Variants in HPSE2 observed in about 807,000 individuals in gnomAD.
HPSE2 encodes the protein inactive heparanase-2.
HPSE2 carries 38 observed loss-of-function variants against 60.5 expected under a neutral mutation model. The ratio of observed to expected loss-of-function variants is 0.63; its 90% CI spans 0.48 to 0.82. The LOEUF is 0.82. Ranked by LOEUF, HPSE2 falls within the 40% of genes least tolerant of loss-of-function variation. HPSE2 has a pLI of 0.00. For missense variants in HPSE2, 713 were observed against 740.4 expected, an observed-to-expected ratio of 0.96 and a Z score of 0.43; for synonymous variants, 295 against 293.2, an observed-to-expected ratio of 1.01 and a Z score of -0.06.
chr10:99,038,401 C>A (rs546697107), intron 3 of HPSE2, among the ~76,000 whole-genome samples: 123 of 152,186 alleles, frequency 8.1e-4, no homozygotes, highest in African/African-American at 2.9e-3. Context: ...TGCTGACAAA[C>A]AAAAGACAAT....
chr10:98,551,803 C>A (rs752035236), intron 9 of HPSE2, among the ~76,000 whole-genome samples: 4 of 152,092 alleles, frequency 2.6e-5, no homozygotes, highest in Non-Finnish European at 4.4e-5. Context: ...ACCAAAGTAT[C>A]CTAATTGATA....
intron 3 of HPSE2, among the ~76,000 whole-genome samples, chr10:98,794,373 A>G (rs769835667): frequency 1.3e-5 from 2 of 151,940 alleles, no homozygotes; most frequent in South Asian, 2.1e-4. Context: ...CCTCCTGAGT[A>G]GCTGGGATTA....
intron 3 of HPSE2, among the ~76,000 whole-genome samples, chr10:98,817,918 A>G (rs1348166536): frequency 6.6e-6 from 1 of 152,196 alleles, no homozygotes; most frequent in Non-Finnish European, 1.5e-5. Context: ...TCTAACTTTT[A>G]TCCATTAATA....
chr10:99,249,775 T>C, the HPSE2 span, among the ~76,000 whole-genome samples: 2 of 152,144 alleles, frequency 1.3e-5, no homozygotes, highest in Admixed American at 6.5e-5. Flanking sequence ...TGAGAGATGA[T>C]TGGATCATGG....
chr10:98,599,157 T>C (rs1247924941), intron 9 of HPSE2, among the ~76,000 whole-genome samples: 1 of 152,096 alleles, frequency 6.6e-6, no homozygotes, highest in Non-Finnish European at 1.5e-5. Flanking sequence ...GGGACTGGCT[T>C]GGCACTGGGC....
chr10:99,058,104 T>G (rs1296195542), intron 3 of HPSE2, among the ~76,000 whole-genome samples: 1 of 152,080 alleles, frequency 6.6e-6, no homozygotes, highest in African/African-American at 2.4e-5. Flanking sequence ...TGGAGAAGCA[T>G]GACAAATGGG....
At chr10:98,858,288 T>C (rs904789148) in intron 3 of HPSE2, among the ~76,000 whole-genome samples, 1 of 152,200 alleles carries the variant, frequency 6.6e-6, no homozygotes, top group East Asian at 1.9e-4. Flanking sequence ...TTGACCTTGA[T>C]AGTTTGAAAT....
At chr10:99,097,129 G>T (rs1251855192) in intron 3 of HPSE2, among the ~76,000 whole-genome samples, 2 of 152,120 alleles carry the variant, frequency 1.3e-5, no homozygotes, top group Non-Finnish European at 2.9e-5. Flanking sequence ...CCAGCACAAG[G>T]CCAGGGTCTA....
chr10:99,258,868 A>G, the HPSE2 span, among the ~76,000 whole-genome samples: 1 of 152,214 alleles, frequency 6.6e-6, no homozygotes, highest in Admixed American at 6.5e-5. Flanking sequence ...TTAACTCAGA[A>G]TGGGTCACAG....
At chr10:99,000,377 C>G (rs1375853780) in intron 3 of HPSE2, among the ~76,000 whole-genome samples, 1 of 151,980 alleles carries the variant, frequency 6.6e-6, no homozygotes, top group African/African-American at 2.4e-5. Flanking sequence ...CACAATTACC[C>G]AAGAGAAAGA....
At chr10:98,552,817 C>T (rs1943900631) in intron 9 of HPSE2, among the ~76,000 whole-genome samples, 1 of 152,096 alleles carries the variant, frequency 6.6e-6, no homozygotes, top group East Asian at 1.9e-4. Flanking sequence ...GATCTCTCTT[C>T]TTTGAACCTC....
intron 2 of HPSE2, among the ~76,000 whole-genome samples, chr10:99,178,195 C>T (rs1847609486): frequency 6.6e-6 from 1 of 151,428 alleles, no homozygotes; most frequent in African/African-American, 2.4e-5. Flanking sequence ...ACTGTAACAT[C>T]ACAATTAAAA....
At chr10:98,509,780 G>A (rs141058755) in intron 9 of HPSE2, among the ~76,000 whole-genome samples, 26 of 152,238 alleles carry the variant, frequency 1.7e-4, no homozygotes, top group Admixed American at 5.2e-4. Context: ...GATTATAGGC[G>A]TGAGCCACCG....
At chr10:99,069,403 A>C (rs1382587178) in intron 3 of HPSE2, among the ~76,000 whole-genome samples, 1 of 152,038 alleles carries the variant, frequency 6.6e-6, no homozygotes, top group Admixed American at 6.6e-5. Flanking sequence ...AAATCATGAG[A>C]GCTAGACCTC....
chr10:98,685,187 C>T (rs1171885419), intron 6 of HPSE2, among the ~76,000 whole-genome samples: 1 of 152,156 alleles, frequency 6.6e-6, no homozygotes, highest in East Asian at 1.9e-4. Flanking sequence ...AAATAAGTTG[C>T]TGACTTTGGT....
At chr10:99,196,104 G>T (rs1848388952) in intron 2 of HPSE2, among the ~76,000 whole-genome samples, 1 of 151,982 alleles carries the variant, frequency 6.6e-6, no homozygotes, top group Non-Finnish European at 1.5e-5. Context: ...CACACACTGG[G>T]GAAAGGACAG....
intron 9 of HPSE2, among the ~76,000 whole-genome samples, chr10:98,602,394 T>C (rs1021332102): frequency 6.6e-6 from 1 of 152,122 alleles, no homozygotes; most frequent in African/African-American, 2.4e-5. Flanking sequence ...GCTGAAAACA[T>C]TGGAAATTCA....
chr10:98,769,336 G>A (rs1181973364), intron 3 of HPSE2, among the ~76,000 whole-genome samples: 1 of 152,058 alleles, frequency 6.6e-6, no homozygotes, highest in African/African-American at 2.4e-5. Context: ...TTGGTGGAGT[G>A]GAGGTGGGAG....
intron 2 of HPSE2, among the ~76,000 whole-genome samples, chr10:99,187,414 A>C (rs1437934466): frequency 6.6e-6 from 1 of 152,236 alleles, no homozygotes; most frequent in Non-Finnish European, 1.5e-5. Context: ...TTTCATCAAA[A>C]TTTAAAACTT....
Sources: allele counts gnomAD v4.1 joint callset (sites outside exome capture counted in the v4.1 genomes callset), GRCh38; gene constraint gnomAD v4.1.1; transcripts MANE v1.5; gene names NCBI Gene and HGNC (gene_info 2026-07-23, HGNC 2026-07-21).